Variants in SMARCAL1 observed in about 807,000 individuals in gnomAD.
The protein encoded by SMARCAL1 is ATP-driven annealing helicase.
SMARCAL1 carries 58 observed loss-of-function variants against 94.5 expected under a neutral mutation model. The ratio of observed to expected loss-of-function variants is 0.61; its 90% CI spans 0.50 to 0.76. The LOEUF (loss-of-function observed/expected upper bound fraction) is 0.76, where lower values mean the gene tolerates loss of function less well. Ranked by LOEUF, SMARCAL1 falls within the 30% of genes least tolerant of loss-of-function variation. The pLI is 0.00. For missense variants in SMARCAL1, 1,051 were observed against 1,177.9 expected (o/e 0.89, Z 1.58); for synonymous variants, 422 against 455.1 (o/e 0.93, Z 0.93).
At chr2:216,469,718 A>T (rs933631805) in intron 14 of SMARCAL1, among the ~76,000 whole-genome samples, 6 of 152,126 alleles carry the variant, frequency 3.9e-5, no homozygotes, top group African/African-American at 1.2e-4. Flanking sequence ...TGGCTTGTGT[A>T]TGTGCTTTGT....
intron 7 of SMARCAL1, 124 bp downstream of exon 7, chr2:216,428,906 G>A (rs890097522): frequency 3.3e-6 from 3 of 909,978 alleles, no homozygotes; most frequent in Admixed American, 1.9e-5. Flanking sequence ...AAATTTAGAA[G>A]AGTCTAGGCA....
rs528038799 is a variant in SMARCAL1, at chr2:216,467,000, A to G, written c.2142-944A>G. ...TGTCCAGACGCACCCATGGCTGGCA[A>G]TGGCCTCAGCAAAGGAGCTCACTTG... On this transcript the variant is annotated intron_variant, in intron 13 of 17. Transcript: ENST00000357276. 2.6e-5 allele frequency among the ~76,000 whole-genome samples: 4 copies of G among 152,216 alleles called. No homozygotes were observed. In the East Asian group the frequency reaches 5.8e-4, roughly 22 times the overall value.
chr2:216,415,967 C>T, intron 3 of SMARCAL1: 1 of 436,396 alleles, frequency 2.3e-6, no homozygotes, highest in South Asian at 2.1e-5. Flanking sequence ...ACTGCTTTGC[C>T]TGACCACACT....
intron 17 of SMARCAL1, among the ~76,000 whole-genome samples, chr2:216,481,834 G>A (rs1024224485): frequency 1.3e-5 from 2 of 152,156 alleles, no homozygotes; most frequent in Admixed American, 1.3e-4. Context: ...AACCAGTTTA[G>A]TTTTATGAAA....
chr2:216,466,563 C>A (rs1694833284), intron 13 of SMARCAL1, among the ~76,000 whole-genome samples: 1 of 152,124 alleles, frequency 6.6e-6, no homozygotes, highest in Admixed American at 6.5e-5. Flanking sequence ...TTTTAATGGG[C>A]ATCTTTTAAT....
chr2:216,453,057 G>A (rs1326810715), intron 12 of SMARCAL1, among the ~76,000 whole-genome samples: 3 of 152,234 alleles, frequency 2.0e-5, no homozygotes, highest in Non-Finnish European at 2.9e-5. Context: ...GATAGTGCCA[G>A]TTGCCCAGAA....
At chr2:216,423,526 T>C in intron 5 of SMARCAL1, 107 bp from the exon 6 acceptor site, 1 of 941,894 alleles carries the variant, frequency 1.1e-6, no homozygotes, top group Non-Finnish European at 1.7e-6. Flanking sequence ...TGCCACATTG[T>C]CTAAGCTGAA....
chr2:216,419,820 AG>A (rs1392368726), intron 4 of SMARCAL1, among the ~76,000 whole-genome samples: 1 of 152,024 alleles, frequency 6.6e-6, no homozygotes, highest in African/African-American at 2.4e-5. Flanking sequence ...GTTTGAGCTT[AG>A]GGATTTGATA....
intron 14 of SMARCAL1, 111 bp downstream of exon 14, chr2:216,468,157 T>A (rs1386103922): frequency 2.4e-5 from 18 of 738,578 alleles, no homozygotes; most frequent in Non-Finnish European, 4.9e-6. Context: ...CCGGAAGCAT[T>A]GCTGAAGACT....
In SMARCAL1 at chr2:216,415,130, G is replaced by A. The variant is rs767158204; in HGVS notation, c.426G>A (p.Glu142=). 6.8e-6 allele frequency: 11 copies of A among 1,613,132 alleles called. No individual in the cohort carries two copies. The highest frequency in any genetic ancestry group is 6.7e-5 in the African/African-American group (5 of 74,808). Reference sequence around the variant, plus strand: ...CTAAACAACAGCTCTTGAGTTATGAGTTAGGTCAAGGTCATGCTCAGGCTT... The same window carrying A: ...CTAAACAACAGCTCTTGAGTTATGAATTAGGTCAAGGTCATGCTCAGGCTT... ...EVPKQQLLSY[E]LGQGHAQASP... The change falls in exon 3 of 18, where the codon GAG becomes GAA. Residue 142 remains glutamate, a synonymous_variant. Coordinates refer to ENST00000357276, the MANE Select transcript of SMARCAL1 (RefSeq NM_014140.4).
intron 9 of SMARCAL1, among the ~76,000 whole-genome samples, chr2:216,437,373 T>C (rs1369193900): frequency 1.3e-5 from 2 of 152,236 alleles, no homozygotes; most frequent in African/African-American, 4.8e-5. Context: ...TCTGCTGTGC[T>C]TTTGTGGCCC....
At chr2:216,447,530 C>G (rs1694345633) in intron 11 of SMARCAL1, among the ~76,000 whole-genome samples, 1 of 151,950 alleles carries the variant, frequency 6.6e-6, no homozygotes, top group East Asian at 1.9e-4. Context: ...AAGTGCTGGC[C>G]CTAGAGAAGA....
intron 7 of SMARCAL1, among the ~76,000 whole-genome samples, chr2:216,429,723 G>A (rs985216938): frequency 1.3e-5 from 2 of 151,946 alleles, no homozygotes; most frequent in Non-Finnish European, 2.9e-5. Context: ...GTGAAAGCTT[G>A]GCTACCGTCT....
At chr2:216,446,469 A>G (rs1198770154) in intron 10 of SMARCAL1, among the ~76,000 whole-genome samples, 2 of 152,202 alleles carry the variant, frequency 1.3e-5, no homozygotes, top group Admixed American at 6.5e-5. Flanking sequence ...AACCCCTGAC[A>G]CTTCCTCTTG....
intron 10 of SMARCAL1, among the ~76,000 whole-genome samples, chr2:216,442,416 C>CAAA (rs375677725): frequency 4.5e-5 from 4 of 88,726 alleles, no homozygotes; most frequent in East Asian, 3.8e-4. Context: ...GACTCTGTCT[C>CAAA]AAAAAAAAAA....
intron 11 of SMARCAL1, 93 bp downstream of exon 11, chr2:216,447,251 C>G (rs1399612122): frequency 6.9e-7 from 1 of 1,439,130 alleles, no homozygotes; most frequent in Non-Finnish European, 9.7e-7. Context: ...ATGATATGGT[C>G]AGAAGAGCAC....
intron 12 of SMARCAL1, among the ~76,000 whole-genome samples, chr2:216,458,820 A>C (rs573678552): frequency 9.9e-4 from 151 of 152,336 alleles, no homozygotes; most frequent in African/African-American, 3.2e-3. Flanking sequence ...ATAGTGTTGG[A>C]AGTTCTGGCC....
At chr2:216,424,521 C>T (rs1693789622) in intron 6 of SMARCAL1, among the ~76,000 whole-genome samples, 1 of 152,202 alleles carries the variant, frequency 6.6e-6, no homozygotes, top group South Asian at 2.1e-4. Context: ...CAGACACGAG[C>T]CAACCCTGGG....
In SMARCAL1 at chr2:216,420,374, C is replaced by T. The variant is rs1426177238; in HGVS notation, c.938C>T (p.Ser313Phe). Residue 313 changes from serine (S) to phenylalanine (F), a missense_variant, in exon 5 of 18, where the codon TCC becomes TTC. Ser to Phe is a radical substitution (Grantham distance 155). Coordinates refer to ENST00000357276, the MANE Select transcript of SMARCAL1 (RefSeq NM_014140.4). ...EWAYGSSESPSTSSEGQAGLP... is the reference protein window; with the variant it reads ...EWAYGSSESPFTSSEGQAGLP... ...GCCTATGGCAGCAGCGAGTCACCCT[C>T]CACCAGCAGTGAGGGACAGGCCGGC... 1.9e-6 allele frequency: 3 copies of T among 1,614,216 alleles called. No individual in the cohort carries two copies. In the South Asian group the frequency reaches 3.3e-5, roughly 18 times the overall value.
Sources: gnomAD v4.1 joint callset for allele counts (sites outside exome capture counted in the v4.1 genomes callset) on GRCh38, gnomAD v4.1.1 for gene constraint, MANE v1.5 for transcripts, NCBI Gene and HGNC (gene_info 2026-07-23, HGNC 2026-07-21) for gene names.